Variants in SCHIP1 observed in about 807,000 individuals in gnomAD.
SCHIP1 encodes schwannomin interacting protein 1, also known as schwannomin-interacting protein 1.
A neutral mutation model predicts 29.7 loss-of-function variants in SCHIP1; 8 were observed. The ratio of observed to expected loss-of-function variants is 0.27; its 90% CI spans 0.16 to 0.49. SCHIP1 has a LOEUF of 0.49. Among genes scored for constraint, SCHIP1 ranks in the 20% least tolerant of loss-of-function variants. The pLI, the probability that SCHIP1 is intolerant of heterozygous loss-of-function variation, is 0.99. For missense variants in SCHIP1, 193 were observed against 294.6 expected (o/e 0.66, Z 2.52); for synonymous variants, 76 against 94.9 (o/e 0.80, Z 1.16).
chr3:159,818,680 A>G, the SCHIP1 span, among the ~76,000 whole-genome samples: 1 of 152,246 alleles, frequency 6.6e-6, no homozygotes, highest in Non-Finnish European at 1.5e-5. Flanking sequence ...TGCAGCCTTC[A>G]TACTGCAAGC....
chr3:159,895,966 A>T (rs890699283), intron 6 of SCHIP1, among the ~76,000 whole-genome samples: 3 of 152,172 alleles, frequency 2.0e-5, no homozygotes, highest in African/African-American at 7.2e-5. Context: ...AGAGTGCTGG[A>T]ATTACAGGCG....
chr3:159,410,071 T>C, the SCHIP1 span, among the ~76,000 whole-genome samples: 5 of 152,122 alleles, frequency 3.3e-5, no homozygotes, highest in Admixed American at 2.6e-4. Flanking sequence ...TGGATATCCA[T>C]ATGCAGAAGA....
At chr3:159,759,409 A>C in the SCHIP1 span, among the ~76,000 whole-genome samples, 15 of 152,246 alleles carry the variant, frequency 9.9e-5, no homozygotes, top group Admixed American at 9.8e-4. Context: ...AGGTGATGAA[A>C]AGATTCGGAG....
the SCHIP1 span, among the ~76,000 whole-genome samples, chr3:159,329,030 T>A: frequency 6.6e-6 from 1 of 152,142 alleles, no homozygotes; most frequent in Admixed American, 6.5e-5. Context: ...CAAAGAGTCT[T>A]AGATCCTTTT....
the SCHIP1 span, among the ~76,000 whole-genome samples, chr3:159,587,383 TTA>T: frequency 2.5e-4 from 38 of 151,098 alleles, no homozygotes; most frequent in African/African-American, 8.6e-4. Context: ...AACAATTGCT[TTA>T]AAAAAAAAAA....
At chr3:159,688,914 G>A in the SCHIP1 span, among the ~76,000 whole-genome samples, 2 of 152,184 alleles carry the variant, frequency 1.3e-5, no homozygotes, top group African/African-American at 2.4e-5. Context: ...TTGTAGATGT[G>A]TGGTGTTATT....
At chr3:159,674,353 A>G in the SCHIP1 span, among the ~76,000 whole-genome samples, 1 of 152,140 alleles carries the variant, frequency 6.6e-6, no homozygotes, top group Non-Finnish European at 1.5e-5. Context: ...GAGGGCCTGG[A>G]GAGGACTGGC....
At chr3:159,626,340 C>G in the SCHIP1 span, among the ~76,000 whole-genome samples, 2,581 of 150,056 alleles carry the variant, frequency 0.017, 94 homozygotes, top group African/African-American at 0.061. Context: ...GAAAAGGAAG[C>G]AAGTTATTTA....
At chr3:159,374,987 T>C in the SCHIP1 span, among the ~76,000 whole-genome samples, 2 of 152,230 alleles carry the variant, frequency 1.3e-5, no homozygotes, top group Non-Finnish European at 2.9e-5. Flanking sequence ...TTTTTATATG[T>C]ATTACATTTT....
chr3:159,412,440 C>T, the SCHIP1 span, among the ~76,000 whole-genome samples: 1 of 152,200 alleles, frequency 6.6e-6, no homozygotes, highest in Non-Finnish European at 1.5e-5. Context: ...ACTTTCCAAT[C>T]TGCATCCTGA....
the SCHIP1 span, among the ~76,000 whole-genome samples, chr3:159,828,216 G>T: frequency 6.6e-6 from 1 of 151,410 alleles, no homozygotes; most frequent in African/African-American, 2.4e-5. Context: ...CAGCTATGAA[G>T]CAGTAGCCCA....
At chr3:159,440,285 C>T in the SCHIP1 span, among the ~76,000 whole-genome samples, 3 of 152,064 alleles carry the variant, frequency 2.0e-5, no homozygotes, top group African/African-American at 7.2e-5. Context: ...GTTCTTGTAC[C>T]AGTACCATGC....
the SCHIP1 span, among the ~76,000 whole-genome samples, chr3:159,819,643 T>A: frequency 6.6e-6 from 1 of 152,224 alleles, no homozygotes; most frequent in African/African-American, 2.4e-5. Context: ...AACTGCTTCA[T>A]AAGGAATGTT....
the SCHIP1 span, among the ~76,000 whole-genome samples, chr3:159,423,806 C>A: frequency 2.6e-5 from 4 of 152,150 alleles, no homozygotes; most frequent in Non-Finnish European, 2.9e-5. Flanking sequence ...TGGGAGGCAC[C>A]CCCCAGTAGG....
At chr3:159,892,220 G>T (rs1717605998) in intron 6 of SCHIP1, 30 bp downstream of exon 7, 4 of 1,613,524 alleles carry the variant, frequency 2.5e-6, no homozygotes, top group Non-Finnish European at 3.4e-6. Flanking sequence ...TGCCAAAGAA[G>T]AAAAGCCCAG....
chr3:159,591,822 G>A, the SCHIP1 span, among the ~76,000 whole-genome samples: 6 of 151,998 alleles, frequency 3.9e-5, no homozygotes, highest in South Asian at 1.0e-3. Flanking sequence ...AATGCATACA[G>A]GCCTTAAAAC....
At chr3:159,275,437 T>G in the SCHIP1 span, among the ~76,000 whole-genome samples, 1 of 152,146 alleles carries the variant, frequency 6.6e-6, no homozygotes, top group African/African-American at 2.4e-5. Context: ...TCCAGAAGAA[T>G]CCAAGACTCA....
chr3:159,420,945 A>T, the SCHIP1 span, among the ~76,000 whole-genome samples: 2 of 152,160 alleles, frequency 1.3e-5, no homozygotes, highest in Non-Finnish European at 2.9e-5. Flanking sequence ...AGATTCAGGC[A>T]ATTTCTTAAG....
chr3:159,427,289 A>G, the SCHIP1 span, among the ~76,000 whole-genome samples: 1 of 151,740 alleles, frequency 6.6e-6, no homozygotes, highest in Non-Finnish European at 1.5e-5. Context: ...ATGATTGTAT[A>G]TATAGAAAAC....
Sources: allele counts gnomAD v4.1 joint callset (sites outside exome capture counted in the v4.1 genomes callset), GRCh38; gene constraint gnomAD v4.1.1; transcripts MANE v1.5; gene names NCBI Gene and HGNC (gene_info 2026-07-23, HGNC 2026-07-21).